TRAF3: variants seen among roughly 807,000 people sequenced by gnomAD.
The protein encoded by TRAF3 is TNF receptor-associated factor 3.
In TRAF3, 13 loss-of-function variants were observed where a neutral mutation model predicts 62.3. The observed-to-expected ratio is 0.21, with a 90% CI of 0.14 to 0.33. The LOEUF is 0.33. Among genes scored for constraint, TRAF3 ranks in the 10% least tolerant of loss-of-function variants. The pLI, the probability that TRAF3 is intolerant of heterozygous loss-of-function variation, is 1.00. For synonymous variants in TRAF3, 269 were observed against 283.4 expected (o/e 0.95, Z 0.51); for missense variants, 440 against 741.8 (o/e 0.59, Z 4.73).
chr14:102,862,823 T>G (rs1002621518), intron 2 of TRAF3, among the ~76,000 whole-genome samples: 2 of 152,202 alleles, frequency 1.3e-5, no homozygotes, highest in Non-Finnish European at 2.9e-5. Flanking sequence ...CCTTACACTT[T>G]ATAATCTCAA....
At chr14:102,878,350 G>C (rs1380871427) in intron 6 of TRAF3, among the ~76,000 whole-genome samples, 1 of 148,742 alleles carries the variant, frequency 6.7e-6, no homozygotes, top group East Asian at 2.0e-4. Flanking sequence ...GAATGTGGGT[G>C]AGTGTGTGGG....
chr14:102,873,272 C>T (rs776702728), intron 4 of TRAF3, among the ~76,000 whole-genome samples: 19 of 152,158 alleles, frequency 1.2e-4, no homozygotes, highest in Admixed American at 2.6e-4. Flanking sequence ...GAATTGGCCA[C>T]CTGGCCCTGT....
intron 2 of TRAF3, among the ~76,000 whole-genome samples, chr14:102,856,365 T>C (rs117064415): frequency 0.023 from 3,498 of 152,206 alleles, 57 homozygotes; most frequent in African/African-American, 0.036. Context: ...ACTGAGGGTT[T>C]CTCCCCTTTG....
At chr14:102,872,488 G>T (rs950405224) in intron 4 of TRAF3, among the ~76,000 whole-genome samples, 2 of 152,032 alleles carry the variant, frequency 1.3e-5, no homozygotes, top group Admixed American at 6.5e-5. Flanking sequence ...GCCCCTTCTC[G>T]CCCCCTGTGG....
Position 102,905,951 on chromosome 14 carries a change from C to T in TRAF3, c.*167C>T. ...AGGAGCCACGCGTGAGCACACCTGA[C>T]ACGTTTTATAATAGACTAGCCACAC... On this transcript the variant is annotated 3_prime_UTR_variant, in exon 12 of 12. Coordinates refer to ENST00000392745, the MANE Select transcript of TRAF3 (RefSeq NM_145725.3). The T allele has an allele frequency of 1.7e-6, 1 of 601,714 alleles. No homozygotes were observed. The highest frequency in any genetic ancestry group is 2.8e-5 in the East Asian group (1 of 36,126). The allele number at this position is 601,714 out of a possible 1,614,324, so 37.3% of individuals were successfully genotyped here. A position where few individuals can be genotyped will look rare whatever the true frequency, so the allele number is the denominator to read the frequency against.
chr14:102,900,949 GT>G (rs1277490839), intron 10 of TRAF3, among the ~76,000 whole-genome samples: 7 of 152,020 alleles, frequency 4.6e-5, no homozygotes, highest in Admixed American at 2.0e-4. Context: ...AGTGTAGACC[GT>G]TCTTCAAGGA....
chr14:102,902,481 T>A (rs1313116396), intron 10 of TRAF3, among the ~76,000 whole-genome samples: 2 of 152,148 alleles, frequency 1.3e-5, no homozygotes, highest in African/African-American at 4.8e-5. Context: ...AGGAGGCCTT[T>A]AGACGTTCCA....
At position 102,830,413 on chromosome 14, in the gene TRAF3, A is replaced by C. The variant is rs1327220419; in HGVS notation, c.-77A>C. The C allele has an allele frequency of 1.3e-5, 2 of 152,218 alleles. No homozygotes were observed. The highest frequency in any genetic ancestry group is 4.8e-5 in the African/African-American group (2 of 41,420). 9.4% of individuals were successfully genotyped at this position (152,218 alleles called of 1,614,324 possible). A position where few individuals can be genotyped will look rare whatever the true frequency, so the allele number is the denominator to read the frequency against. On this transcript the variant is annotated 5_prime_UTR_variant, in exon 2 of 12. Coordinates refer to ENST00000392745, the MANE Select transcript of TRAF3 (RefSeq NM_145725.3). ...GGTCAGAATCAGACCTAGGATCAGA[A>C]ACCTGGCTCCTGGCTCCTGGCTCCC...
At chr14:102,813,497 C>G (rs1899326910) in intron 1 of TRAF3, among the ~76,000 whole-genome samples, 1 of 150,650 alleles carries the variant, frequency 6.6e-6, no homozygotes, top group Non-Finnish European at 1.5e-5. Context: ...GTCACCCAGG[C>G]TGGAGTGCAG....
intron 2 of TRAF3, among the ~76,000 whole-genome samples, chr14:102,845,251 G>A (rs911769594): frequency 4.0e-5 from 6 of 151,078 alleles, no homozygotes; most frequent in African/African-American, 1.2e-4. Context: ...TGCCCAGGCT[G>A]GAGTACAGTG....
At chr14:102,809,306 T>G (rs1343265636) in intron 1 of TRAF3, among the ~76,000 whole-genome samples, 1 of 151,872 alleles carries the variant, frequency 6.6e-6, no homozygotes, top group Non-Finnish European at 1.5e-5. Context: ...AATTTTTGTA[T>G]TTTTAGTAGA....
chr14:102,777,868 A>C (rs1473975186), intron 1 of TRAF3, among the ~76,000 whole-genome samples, 193 bp downstream of exon 1: 1 of 147,726 alleles, frequency 6.8e-6, no homozygotes, highest in Non-Finnish European at 1.5e-5. Context: ...CCCGCGCCCC[A>C]GCCGGGCTGC....
chr14:102,849,322 G>A (rs75787795), intron 2 of TRAF3, among the ~76,000 whole-genome samples: 3,902 of 152,340 alleles, frequency 0.026, 68 homozygotes, highest in Admixed American at 0.055. Flanking sequence ...ATCTGGAGAA[G>A]TGCTGCCTGC....
chr14:102,818,653 C>G (rs1023941131), intron 1 of TRAF3, among the ~76,000 whole-genome samples: 2 of 152,206 alleles, frequency 1.3e-5, no homozygotes, highest in African/African-American at 4.8e-5. Context: ...AACCACTGTT[C>G]TACTCTACGC....
chr14:102,810,226 A>G (rs1174033777), intron 1 of TRAF3, among the ~76,000 whole-genome samples: 2 of 152,048 alleles, frequency 1.3e-5, no homozygotes, highest in Non-Finnish European at 2.9e-5. Flanking sequence ...CAAGATAAAG[A>G]ATTTTGATCT....
At chr14:102,778,998 G>A (rs1329111263) in intron 1 of TRAF3, among the ~76,000 whole-genome samples, 2 of 150,866 alleles carry the variant, frequency 1.3e-5, no homozygotes, top group African/African-American at 5.0e-5. Flanking sequence ...TAAATGTTAA[G>A]AATTAGTCTA....
At chr14:102,889,020 T>A (rs1432604517) in intron 7 of TRAF3, among the ~76,000 whole-genome samples, 6 of 152,116 alleles carry the variant, frequency 3.9e-5, no homozygotes, top group African/African-American at 1.4e-4. Context: ...GCTACCTGAG[T>A]TTCTGGCCCT....
At chr14:102,889,420 GGCA>G in intron 7 of TRAF3, 137 bp from the exon 8 acceptor site, 4 of 819,778 alleles carry the variant, frequency 4.9e-6, no homozygotes, top group Non-Finnish European at 8.4e-6. Flanking sequence ...TAGAAGTCTA[GGCA>G]GCAGATGATA....
chr14:102,778,716 AT>A (rs543749180), intron 1 of TRAF3, among the ~76,000 whole-genome samples: 1 of 151,706 alleles, frequency 6.6e-6, no homozygotes, highest in South Asian at 2.1e-4. Context: ...GCCATTATTT[AT>A]TTTTTTTCCT....
Sources: allele counts gnomAD v4.1 joint callset (sites outside exome capture counted in the v4.1 genomes callset), GRCh38; gene constraint gnomAD v4.1.1; transcripts MANE v1.5; gene names NCBI Gene and HGNC (gene_info 2026-07-23, HGNC 2026-07-21).